The following SYNE2 variants were observed in gnomAD, a reference collection of about 807,000 sequenced individuals.
The protein encoded by SYNE2 is spectrin repeat containing nuclear envelope protein 2.
In SYNE2, 431 loss-of-function variants were observed where a neutral mutation model predicts 856.3. The observed-to-expected ratio is 0.50, with a 90% CI of 0.47 to 0.55. The LOEUF (loss-of-function observed/expected upper bound fraction) is 0.55. Ranked by LOEUF, SYNE2 falls within the 20% of genes least tolerant of loss-of-function variation. SYNE2 has a pLI of 0.00. For missense variants in SYNE2, 8,129 were observed against 8,023.2 expected (o/e 1.01, Z -0.50); for synonymous variants, 2,923 against 2,872.3 (o/e 1.02, Z -0.56).
rs560578975 is a variant in SYNE2 at position 64,045,475 on chromosome 14, C to A, written c.7222-2525C>A. ...GTGGGGGTCCTCTAGGAAATAGTAACCATCAGATAGAAAGGAGACAGCTAT... is the reference window on the plus strand; with the variant it reads ...GTGGGGGTCCTCTAGGAAATAGTAAACATCAGATAGAAAGGAGACAGCTAT... On this transcript the variant is annotated intron_variant, in intron 45 of 115. Coordinates refer to ENST00000555002, the MANE Select transcript of SYNE2 (RefSeq NM_182914.3). Among the ~76,000 whole-genome samples the A allele has an allele frequency of 4.6e-5, 7 of 152,176 alleles. No individual in the cohort carries two copies. The South Asian group carries it at 1.0e-3, about 23-fold the overall frequency.
chr14:63,902,213 C>A (rs2095346048), intron 1 of SYNE2, among the ~76,000 whole-genome samples: 1 of 151,740 alleles, frequency 6.6e-6, no homozygotes, highest in African/African-American at 2.4e-5. Flanking sequence ...GAGTTCAAGA[C>A]CAGCCTGGCC....
chr14:64,106,603 C>T (rs576388039), intron 64 of SYNE2, among the ~76,000 whole-genome samples: 40 of 152,256 alleles, frequency 2.6e-4, no homozygotes, highest in African/African-American at 9.4e-4. Context: ...GAGCCGAGAT[C>T]GTGCCACTGC....
rs746066706 is a variant in SYNE2, at chr14:64,016,486, A to C, written c.4742A>C (p.Lys1581Thr). 28 of 1,589,128 alleles carry C rather than the reference A, an allele frequency of 1.8e-5. No individual in the cohort carries two copies. The South Asian group carries it at 3.1e-4, about 18-fold the overall frequency. Reference sequence around the variant, plus strand: ...TCTTTTTTACAGATTGAAATTGTCAAAGAAGAATTTAATGAGCATTTAGAA... The same window carrying C: ...TCTTTTTTACAGATTGAAATTGTCACAGAAGAATTTAATGAGCATTTAGAA... The part of the protein sequence containing the change: ...KKRIAEIEIV[K>T]EEFNEHLEVV... Residue 1581 changes from lysine (K) to threonine (T), a missense_variant, in exon 33 of 116, where the codon AAA (lysine) becomes ACA (threonine). Transcript: ENST00000555002.
intron 45 of SYNE2, among the ~76,000 whole-genome samples, chr14:64,038,807 C>T (rs1000061105): frequency 3.9e-5 from 6 of 152,292 alleles, no homozygotes; most frequent in South Asian, 2.1e-4. Flanking sequence ...AGTCCAGCTT[C>T]GGCTCGGCAT....
In SYNE2 at chr14:64,024,269, C is replaced by T. The variant is rs994537191; in HGVS notation, c.5650C>T (p.Leu1884Phe). 5.6e-6 allele frequency: 9 copies of T among 1,613,756 alleles called. No homozygotes were observed. The Admixed American group carries it at 1.2e-4, about 21-fold the overall frequency. Residue 1884 changes from leucine to phenylalanine, a missense_variant, in exon 39 of 116, where the codon CTT becomes TTT. Around this residue, in one of 3 missense-constraint regions of SYNE2, gnomAD observed 2,422 missense variants for 2,357.4 expected, o/e 1.03. Transcript: ENST00000555002. ...TGTCTTTCTGAAGGATTTCTTGACT[C>T]TTGAAGGAAGAAACAGTAAAATAAA... Reference protein sequence around the residue: ...KLQKLSDFLTLEGRNSKIKQV... With the variant: ...KLQKLSDFLTFEGRNSKIKQV...
chr14:64,175,218 T>C, intron 95 of SYNE2, 80 bp downstream of exon 95: 1 of 1,532,644 alleles, frequency 6.5e-7, no homozygotes, highest in Non-Finnish European at 8.9e-7. Flanking sequence ...AAAATGGAAA[T>C]GGTTTTAGGA....
At chr14:64,064,316 A>G (rs2097341132) in intron 50 of SYNE2, among the ~76,000 whole-genome samples, 2 of 152,194 alleles carry the variant, frequency 1.3e-5, no homozygotes, top group Admixed American at 1.3e-4. Context: ...GACAAAGGGA[A>G]GATTCGTATC....
upstream of SYNE2, among the ~76,000 whole-genome samples, chr14:63,851,254 G>A (rs766309332): frequency 3.3e-5 from 5 of 152,172 alleles, no homozygotes; most frequent in Admixed American, 1.3e-4. Flanking sequence ...CCAGCTACTT[G>A]GGAAGGTGAG....
intron 1 of SYNE2, among the ~76,000 whole-genome samples, chr14:63,862,088 T>C (rs1238617324): frequency 2.0e-5 from 3 of 152,180 alleles, no homozygotes; most frequent in Non-Finnish European, 4.4e-5. Context: ...CCTTAAATAA[T>C]TGGATTTTAA....
At chr14:63,991,934 C>T (rs1298446256) in intron 21 of SYNE2, among the ~76,000 whole-genome samples, 1 of 148,816 alleles carries the variant, frequency 6.7e-6, no homozygotes, top group African/African-American at 2.5e-5. Context: ...CTCATCACGG[C>T]CTCTGTCTGT....
rs578021636 is a variant in SYNE2, at chr14:64,175,190, A to T, written c.17430+52A>T. 7.5e-5 allele frequency: 120 copies of T among 1,599,380 alleles called. No individual in the cohort carries two copies. The South Asian group carries it at 1.3e-3, about 17-fold the overall frequency. On this transcript the variant is annotated intron_variant, in intron 95 of 115. Coordinates refer to ENST00000555002, the MANE Select transcript of SYNE2 (RefSeq NM_182914.3). ...CATGATATTCAAATTCAGTACATAG[A>T]TTTTCATTTGTGGTGTGAAAATGGA... is the stretch of plus-strand genomic sequence containing the variant.
intron 50 of SYNE2, among the ~76,000 whole-genome samples, chr14:64,065,182 A>G (rs2097349405): frequency 6.6e-6 from 1 of 151,964 alleles, no homozygotes; most frequent in Admixed American, 6.5e-5. Flanking sequence ...TTTTGAAAGT[A>G]TGTTCTTTCT....
At chr14:63,821,919 A>C (rs1230126257) in intron 1 of SYNE2, among the ~76,000 whole-genome samples, 1 of 151,818 alleles carries the variant, frequency 6.6e-6, no homozygotes, top group East Asian at 2.0e-4. Flanking sequence ...GACTGGGCAC[A>C]GTGGCTCATG....
At chr14:64,222,572 A>C (rs1210358447) in intron 112 of SYNE2, among the ~76,000 whole-genome samples, 1 of 152,068 alleles carries the variant, frequency 6.6e-6, no homozygotes, top group Non-Finnish European at 1.5e-5. Context: ...AAAATACAAG[A>C]AAAATTAGCT....
Position 63,976,520 on chromosome 14 carries a change from G to C in SYNE2, c.1129-43G>C, listed in dbSNP as rs750584461. ...GTATGTGAAGAAATAAACTAGAAAA[G>C]TTCTACTGAAGAATATGTTCTTTTT... On this transcript the variant is annotated intron_variant, in intron 11 of 115. Coordinates refer to ENST00000555002, the MANE Select transcript of SYNE2 (RefSeq NM_182914.3). 6.4e-6 allele frequency: 10 copies of C among 1,572,882 alleles called. No homozygotes were observed. The South Asian group carries it at 1.1e-4, about 18-fold the overall frequency.
At chr14:63,941,568 A>T (rs1595770045) in intron 3 of SYNE2, 127 bp from the exon 4 acceptor site, 1 of 761,340 alleles carries the variant, frequency 1.3e-6, no homozygotes, top group East Asian at 2.6e-5. Context: ...GTTCTCTCTC[A>T]TTCTCTTAAT....
At chr14:64,010,148 C>T (rs2153516963) in intron 32 of SYNE2, 32 bp downstream of exon 32, 2 of 1,594,146 alleles carry the variant, frequency 1.3e-6, no homozygotes, top group East Asian at 2.3e-5. Context: ...AAAAACTGCC[C>T]AGTGACCTCA....
rs2153665849 is a variant in SYNE2, at chr14:64,120,986, T to C, written c.13083T>C (p.Val4361=). The part of the protein sequence containing the change: ...EPEHQEALQP[V]NLSELESIVT... ...AGCATCAAGAAGCTCTCCAACCAGTTAACCTTTCTGAATTGGAATCCATTG... is the reference window on the plus strand; with the variant it reads ...AGCATCAAGAAGCTCTCCAACCAGTCAACCTTTCTGAATTGGAATCCATTG... The change falls in exon 68 of 116, where the codon GTT becomes GTC. Residue 4361 remains valine, a synonymous_variant. Coordinates refer to ENST00000555002, the MANE Select transcript of SYNE2 (RefSeq NM_182914.3). The C allele has an allele frequency of 6.2e-7, 1 of 1,614,154 alleles. No homozygotes were observed. Among genetic ancestry groups the C allele is most frequent in the Non-Finnish European group, 8.5e-7 (1 of 1,180,008 alleles).
intron 80 of SYNE2, among the ~76,000 whole-genome samples, chr14:64,141,110 A>G (rs187379808): frequency 6.6e-6 from 1 of 152,214 alleles, no homozygotes; most frequent in African/African-American, 2.4e-5. Context: ...ACTTATTTTT[A>G]AAAATGTTAA....
Sources: gnomAD v4.1 joint callset for allele counts (sites outside exome capture counted in the v4.1 genomes callset) on GRCh38, gnomAD v4.1.1 for gene constraint, gnomAD v4.1.1 regional missense constraint, MANE v1.5 for transcripts, NCBI Gene and HGNC (gene_info 2026-07-23, HGNC 2026-07-21) for gene names.